The following MEP1A variants were observed in gnomAD, a reference collection of about 807,000 sequenced individuals.
The protein encoded by MEP1A is N-benzoyl-L-tyrosyl-P-amino-benzoic acid hydrolase subunit alpha.
MEP1A carries 68 observed loss-of-function variants against 84.5 expected under a neutral mutation model. That is an observed-to-expected ratio of 0.80 (90% CI 0.66 to 0.98). MEP1A has a LOEUF of 0.98. MEP1A is among the 50% of genes least tolerant of loss of function. MEP1A has a pLI of 0.00. For missense variants in MEP1A, 887 were observed against 919.9 expected (o/e 0.96, Z 0.46); for synonymous variants, 337 against 336.8 (o/e 1.00, Z -0.01).
At position 46,839,214 on chromosome 6, in the gene MEP1A, T is replaced by TGGGGCAGC. The variant is rs1554191743; in HGVS notation, c.*78_*79insGGGGCAGC. ...TAACTTTCCCATGGTCAATGCAGTT[T>TGGGGCAGC]TTATCAGCCTTGCTTTGGATAGGAC... On this transcript the variant is annotated 3_prime_UTR_variant, in exon 14 of 14. Coordinates refer to ENST00000230588, the MANE Select transcript of MEP1A (RefSeq NM_005588.3). The TGGGGCAGC allele has an allele frequency of 2.7e-4, 291 of 1,079,812 alleles. No homozygotes were observed. The highest frequency in any genetic ancestry group is 3.0e-4 in the Non-Finnish European group (227 of 748,490). 66.9% of individuals were successfully genotyped at this position (1,079,812 alleles called of 1,614,324 possible).
chr6:46,824,549 TAAA>T (rs1767857527), intron 7 of MEP1A, among the ~76,000 whole-genome samples: 1 of 141,506 alleles, frequency 7.1e-6, no homozygotes, highest in African/African-American at 2.6e-5. Flanking sequence ...ATTTAATATA[TAAA>T]TTATATATTA....
At chr6:46,802,464 G>A (rs1337199992) in intron 5 of MEP1A, among the ~76,000 whole-genome samples, 2 of 151,748 alleles carry the variant, frequency 1.3e-5, no homozygotes, top group Admixed American at 1.3e-4. Context: ...AATTTTAATT[G>A]TTGATTTGTA....
chr6:46,797,800 T>TTCTTTCTTTC (rs1272635480), intron 3 of MEP1A, among the ~76,000 whole-genome samples: 18 of 22,936 alleles, frequency 7.8e-4, no homozygotes, highest in Admixed American at 6.9e-3. Flanking sequence ...TTCTCTTTCT[T>TTCTTTCTTTC]TCTTTCTTTC....
intron 7 of MEP1A, among the ~76,000 whole-genome samples, chr6:46,824,770 T>G (rs181942967): frequency 0.012 from 551 of 46,294 alleles, 12 homozygotes; most frequent in African/African-American, 0.03. Flanking sequence ...ATATATAAAT[T>G]ATGTATTTAA....
intron 7 of MEP1A, among the ~76,000 whole-genome samples, chr6:46,824,616 A>T (rs1286648914): frequency 7.5e-6 from 1 of 133,126 alleles, no homozygotes; most frequent in African/African-American, 3.0e-5. Flanking sequence ...GTATTTAAAT[A>T]TATATAAATT....
downstream of MEP1A, among the ~76,000 whole-genome samples, chr6:46,839,937 G>A (rs1182885413): frequency 6.6e-6 from 1 of 151,480 alleles, no homozygotes; most frequent in Non-Finnish European, 1.5e-5. Flanking sequence ...GAAGGTATCA[G>A]AGAACTTTAA....
chr6:46,815,889 T>C (rs932709935), intron 6 of MEP1A, among the ~76,000 whole-genome samples: 1 of 152,204 alleles, frequency 6.6e-6, no homozygotes, highest in Non-Finnish European at 1.5e-5. Flanking sequence ...ACAAATTAAA[T>C]ACCTAACTTA....
At position 46,793,669 on chromosome 6, in the gene MEP1A, A is replaced by G. The variant is rs1185363576; in HGVS notation, c.98A>G (p.His33Arg). Reference protein sequence around the residue: ...PIKYLPEENVHDADFGEQKDI... With the variant: ...PIKYLPEENVRDADFGEQKDI... ...TTTTTTTTCTCACTTTTAACAGTACATGATGCAGATTTTGGTGAACAGAAG... is the reference window on the plus strand; with the variant it reads ...TTTTTTTTCTCACTTTTAACAGTACGTGATGCAGATTTTGGTGAACAGAAG... Residue 33 changes from histidine (H) to arginine (R), a missense_variant, in exon 3 of 14, where the codon CAT becomes CGT. His to Arg is a conservative substitution (Grantham distance 29). Coordinates refer to ENST00000230588, the MANE Select transcript of MEP1A (RefSeq NM_005588.3). 2.5e-6 allele frequency: 4 copies of G among 1,610,410 alleles called. No individual in the cohort carries two copies. In the African/African-American group the frequency reaches 4.0e-5, roughly 16 times the overall value.
chr6:46,840,177 G>A (rs1042738079), downstream of MEP1A, among the ~76,000 whole-genome samples: 1 of 152,134 alleles, frequency 6.6e-6, no homozygotes, highest in African/African-American at 2.4e-5. Context: ...TGACAATTTT[G>A]TAGAGTTAAA....
chr6:46,819,495 C>A, intron 6 of MEP1A, 34 bp from the exon 7 acceptor site: 1 of 1,545,800 alleles, frequency 6.5e-7, no homozygotes, highest in Non-Finnish European at 8.8e-7. Context: ...TAAAAATTCT[C>A]TAGAAGAAAT....
At chr6:46,839,831 A>G (rs1374736491), downstream of MEP1A, 1 of 152,154 alleles carries the variant, frequency 6.6e-6, no homozygotes, top group Non-Finnish European at 1.5e-5. Context: ...GTGTGTGTTG[A>G]AGGGTAGGGG....
At chr6:46,820,288 C>T (rs1581678493) in intron 7 of MEP1A, among the ~76,000 whole-genome samples, 1 of 152,314 alleles carries the variant, frequency 6.6e-6, no homozygotes, top group African/African-American at 2.4e-5. Context: ...TGTTTCTAAG[C>T]ACCTTGCTTC....
At chr6:46,795,382 C>T (rs1369584981) in intron 3 of MEP1A, among the ~76,000 whole-genome samples, 2 of 152,106 alleles carry the variant, frequency 1.3e-5, no homozygotes, top group Non-Finnish European at 2.9e-5. Flanking sequence ...CTCACTGCAA[C>T]CTCCGCCTCC....
intron 5 of MEP1A, among the ~76,000 whole-genome samples, chr6:46,807,799 GAA>G (rs1491116006): frequency 2.1e-4 from 30 of 145,546 alleles, no homozygotes; most frequent in African/African-American, 7.2e-4. Flanking sequence ...AAGAAAGAAA[GAA>G]AGAAAGAAAG....
chr6:46,835,599 T>C lies in MEP1A; in HGVS notation c.2084+50T>C, dbSNP rs1768202421. ...GGCAGGCCAGCAGACCTGGGCCGTG[T>C]GCATGCTTGCTCCTGGTAAAGGCTG... is the stretch of plus-strand genomic sequence containing the variant. On this transcript the variant is annotated intron_variant, in intron 13 of 13. Transcript: ENST00000230588. The C allele has an allele frequency of 1.9e-6, 3 of 1,586,946 alleles. No individual in the cohort carries two copies. In the East Asian group the frequency reaches 6.8e-5, roughly 36 times the overall value.
At chr6:46,829,280 T>G (rs1233774073) in intron 9 of MEP1A, 76 bp from the exon 10 acceptor site, 1 of 1,232,560 alleles carries the variant, frequency 8.1e-7, no homozygotes, top group African/African-American at 1.5e-5. Context: ...TGGTTCACTA[T>G]TTCACTTTGT....
At chr6:46,810,277 G>A (rs1767464712) in intron 6 of MEP1A, among the ~76,000 whole-genome samples, 1 of 151,958 alleles carries the variant, frequency 6.6e-6, no homozygotes, top group South Asian at 2.1e-4. Context: ...TTTGAGAATT[G>A]TCTATTCACA....
intron 7 of MEP1A, 108 bp from the exon 8 acceptor site, chr6:46,825,164 T>G (rs1767908241): frequency 2.9e-6 from 1 of 341,772 alleles, no homozygotes; most frequent in African/African-American, 2.2e-5. Context: ...TATATATATT[T>G]AAATAGAACT....
intron 6 of MEP1A, 105 bp downstream of exon 6, chr6:46,809,642 C>A: frequency 3.1e-6 from 2 of 650,924 alleles, no homozygotes; most frequent in Non-Finnish European, 2.7e-6. Flanking sequence ...TTTGTCTTTG[C>A]GTCCTCATAA....
Sources: gnomAD v4.1 joint callset for allele counts (sites outside exome capture counted in the v4.1 genomes callset) on GRCh38, gnomAD v4.1.1 for gene constraint, MANE v1.5 for transcripts, NCBI Gene and HGNC (gene_info 2026-07-23, HGNC 2026-07-21) for gene names.